The following SGMS1 variants were observed in gnomAD, a reference collection of about 807,000 sequenced individuals.
The protein encoded by SGMS1 is phosphatidylcholine:ceramide cholinephosphotransferase 1.
In SGMS1, 13 loss-of-function variants were observed where a neutral mutation model predicts 46.2. The observed-to-expected ratio is 0.28, with a 90% confidence interval of 0.18 to 0.45. The LOEUF is 0.45. Among genes scored for constraint, SGMS1 ranks in the 20% least tolerant of loss-of-function variants. The pLI is 1.00. For synonymous variants in SGMS1, 203 were observed against 187.8 expected (o/e 1.08, Z -0.66); for missense variants, 324 against 519.9 (o/e 0.62, Z 3.66).
In SGMS1 at chr10:50,498,949, A is replaced by G. The variant is rs74718302; in HGVS notation, c.-498+20882T>C. Among the ~76,000 whole-genome samples the G allele has an allele frequency of 4.8e-3, 725 of 152,148 alleles. 4 individuals carry two copies. The highest frequency in any genetic ancestry group is 0.014 in the African/African-American group (588 of 41,520). On this transcript the variant is annotated intron_variant, in intron 3 of 10. Transcript: ENST00000361781. ...CCACCAATAGTGCACGAGTGTTCCA[A>G]TTTCTTCATATCCTGGCCAACATTT... is the stretch of plus-strand genomic sequence containing the variant.
intron 4 of SGMS1, 133 bp from the exon 5 acceptor site, chr10:50,460,947 CAA>C (rs888330076): frequency 2.0e-5 from 3 of 152,142 alleles, no homozygotes; most frequent in African/African-American, 7.2e-5. Flanking sequence ...AACTTGGAAA[CAA>C]AGAATTCACA....
intron 7 of SGMS1, chr10:50,328,112 G>C: frequency 2.6e-6 from 1 of 378,584 alleles, no homozygotes; most frequent in Non-Finnish European, 5.0e-6. Flanking sequence ...ATACATGTAG[G>C]TTTGTATCTA....
At chr10:50,624,470 G>A (rs1838895306), upstream of SGMS1, 1 of 521,806 alleles carries the variant, frequency 1.9e-6, no homozygotes, top group Non-Finnish European at 2.5e-6. Context: ...TCTAACCATA[G>A]ACTCTCATCT....
At chr10:50,356,534 T>C (rs1848151564) in intron 6 of SGMS1, among the ~76,000 whole-genome samples, 1 of 151,340 alleles carries the variant, frequency 6.6e-6, no homozygotes, top group South Asian at 2.1e-4. Context: ...AATCCCCCTC[T>C]CCGAGAAACA....
chr10:50,467,191 G>A (rs1440486934), intron 3 of SGMS1, among the ~76,000 whole-genome samples: 2 of 151,896 alleles, frequency 1.3e-5, no homozygotes, highest in African/African-American at 2.4e-5. Context: ...TGCATCTGAT[G>A]GTATAACATG....
intron 6 of SGMS1, among the ~76,000 whole-genome samples, chr10:50,407,255 A>G (rs977959228): frequency 1.1e-4 from 17 of 152,228 alleles, no homozygotes; most frequent in South Asian, 8.3e-4. Flanking sequence ...GCCGATAAAA[A>G]TCTAGGTGAA....
intron 5 of SGMS1, among the ~76,000 whole-genome samples, chr10:50,451,891 T>C (rs72801773): frequency 0.014 from 2,080 of 152,280 alleles, 24 homozygotes; most frequent in Non-Finnish European, 0.022. Context: ...ATCACTAACA[T>C]ATTCTACTAA....
chr10:50,389,902 ATTTGT>A (rs1848740769), intron 6 of SGMS1, among the ~76,000 whole-genome samples: 1 of 152,216 alleles, frequency 6.6e-6, no homozygotes, highest in Non-Finnish European at 1.5e-5. Flanking sequence ...CTAATTGAAG[ATTTGT>A]TTTATTTGTT....
At chr10:50,392,328 T>A (rs1848784048) in intron 6 of SGMS1, among the ~76,000 whole-genome samples, 1 of 152,196 alleles carries the variant, frequency 6.6e-6, no homozygotes. Flanking sequence ...TCTAGCTATA[T>A]CCATTTAGAG....
At chr10:50,315,883 C>A (rs1202560980) in intron 8 of SGMS1, among the ~76,000 whole-genome samples, 1 of 152,092 alleles carries the variant, frequency 6.6e-6, no homozygotes, top group Non-Finnish European at 1.5e-5. Context: ...AATGAACTAC[C>A]AAGAAATTAG....
chr10:50,623,988 G>C, upstream of SGMS1: 1 of 985,422 alleles, frequency 1.0e-6, no homozygotes, highest in Non-Finnish European at 1.2e-6. Context: ...GCCCGAGCCG[G>C]CCCGGCTTCC....
intron 6 of SGMS1, among the ~76,000 whole-genome samples, chr10:50,377,757 T>C (rs1434531404): frequency 6.6e-6 from 1 of 152,174 alleles, no homozygotes; most frequent in Non-Finnish European, 1.5e-5. Flanking sequence ...AGCAGGGACA[T>C]ACTCCCTCTG....
intron 9 of SGMS1, 71 bp downstream of exon 9, chr10:50,311,191 C>G (rs553025337): frequency 7.1e-6 from 11 of 1,552,622 alleles, no homozygotes; most frequent in South Asian, 1.2e-5. Context: ...AGAAAATGAG[C>G]TTTACCAGAG....
intron 7 of SGMS1, among the ~76,000 whole-genome samples, chr10:50,339,827 G>A (rs1011333942): frequency 7.2e-5 from 11 of 152,194 alleles, no homozygotes; most frequent in African/African-American, 2.7e-4. Flanking sequence ...TGTGATATGG[G>A]CTTAATGTGT....
chr10:50,365,591 T>C (rs1193996376), intron 6 of SGMS1, among the ~76,000 whole-genome samples: 2 of 151,978 alleles, frequency 1.3e-5, no homozygotes, highest in Non-Finnish European at 2.9e-5. Flanking sequence ...CTTGCCCCCA[T>C]ACCCCCGACA....
chr10:50,576,745 G>A (rs146510554), intron 2 of SGMS1, among the ~76,000 whole-genome samples: 1 of 152,096 alleles, frequency 6.6e-6, no homozygotes, highest in Admixed American at 6.5e-5. Flanking sequence ...GAGCACTTTT[G>A]ATGTCACCCA....
At chr10:50,608,868 CATG>C (rs1344580649) in intron 1 of SGMS1, among the ~76,000 whole-genome samples, 2 of 152,158 alleles carry the variant, frequency 1.3e-5, no homozygotes, top group Non-Finnish European at 2.9e-5. Context: ...TATAAGATGG[CATG>C]ATATTTGCAT....
chr10:50,552,927 CA>C (rs1306754743), intron 2 of SGMS1, among the ~76,000 whole-genome samples: 1 of 152,142 alleles, frequency 6.6e-6, no homozygotes, highest in Non-Finnish European at 1.5e-5. Context: ...AGGGCAGCCA[CA>C]AATCAAGGGA....
At chr10:50,368,279 C>T (rs1848381106) in intron 6 of SGMS1, among the ~76,000 whole-genome samples, 1 of 152,200 alleles carries the variant, frequency 6.6e-6, no homozygotes, top group Admixed American at 6.5e-5. Flanking sequence ...AATTAAACAG[C>T]ATGTTGTTTT....
Sources: allele counts gnomAD v4.1 joint callset (sites outside exome capture counted in the v4.1 genomes callset), GRCh38; gene constraint gnomAD v4.1.1; transcripts MANE v1.5; gene names NCBI Gene and HGNC (gene_info 2026-07-23, HGNC 2026-07-21).